Variants in CNOT2 observed in about 807,000 individuals in gnomAD.
CNOT2 encodes CCR4-NOT transcription complex subunit 2, also known as CC chemokine receptor 4-negative regulator of transcription 2.
In CNOT2, 7 loss-of-function variants were observed where a neutral mutation model predicts 72.1. The observed-to-expected ratio is 0.10, with a 90% CI of 0.06 to 0.18. The LOEUF (loss-of-function observed/expected upper bound fraction) is 0.18. CNOT2 is among the 10% of genes least tolerant of loss of function. The probability of loss-of-function intolerance (pLI) is 1.00; values close to 1 mark genes in which losing one functional copy is unlikely to be tolerated. For synonymous variants in CNOT2, 196 were observed against 225.6 expected (o/e 0.87, Z 1.17); for missense variants, 345 against 660.3 (o/e 0.52, Z 5.23).
intron 2 of CNOT2, among the ~76,000 whole-genome samples, chr12:70,304,641 A>C (rs1364969387): frequency 6.6e-6 from 1 of 152,210 alleles, no homozygotes; most frequent in Non-Finnish European, 1.5e-5. Context: ...TTGTGGAGGC[A>C]GTCTGCCCGT....
intron 1 of CNOT2, among the ~76,000 whole-genome samples, chr12:70,246,426 C>G (rs547491146): frequency 6.6e-6 from 1 of 152,194 alleles, no homozygotes; most frequent in East Asian, 1.9e-4. Flanking sequence ...GGCAGAATAT[C>G]CAGGGTACCA....
chr12:70,304,705 AGACAGG>A (rs1363511481), intron 2 of CNOT2, among the ~76,000 whole-genome samples: 2 of 152,272 alleles, frequency 1.3e-5, no homozygotes, highest in Admixed American at 1.3e-4. Flanking sequence ...CATAGCAGTC[AGACAGG>A]GACATTTAAG....
At chr12:70,338,398 A>T in intron 9 of CNOT2, 45 bp from the exon 10 acceptor site, 1 of 1,524,388 alleles carries the variant, frequency 6.6e-7, no homozygotes, top group Non-Finnish European at 8.9e-7. Context: ...TTGAATTTGT[A>T]TACTTAACAA....
In CNOT2 at chr12:70,338,853, T is replaced by C. The variant is rs774765629; in HGVS notation, c.1178+31T>C. On this transcript the variant is annotated intron_variant, in intron 11 of 15. Transcript: ENST00000229195. ...TTTTTTCTGTTTTTCCATGTCTGTA[T>C]ATAATACCTCTTCAGACTTCCAGTT... 4.5e-6 allele frequency: 7 copies of C among 1,570,910 alleles called. No homozygotes were observed. The South Asian group carries it at 6.8e-5, about 15-fold the overall frequency.
intron 1 of CNOT2, among the ~76,000 whole-genome samples, chr12:70,249,514 ATTTC>A (rs1958036169): frequency 1.3e-5 from 2 of 152,010 alleles, no homozygotes; most frequent in South Asian, 4.1e-4. Context: ...TCAGAGTCTA[ATTTC>A]TTTCTCATTT....
chr12:70,312,778 G>C (rs1876685619), intron 3 of CNOT2, among the ~76,000 whole-genome samples: 1 of 151,878 alleles, frequency 6.6e-6, no homozygotes, highest in Non-Finnish European at 1.5e-5. Flanking sequence ...GTAAAAATAG[G>C]AGTAATAATA....
In CNOT2 at chr12:70,258,315, A is replaced by G. The variant is rs189907556; in HGVS notation, c.-96+14835A>G. On this transcript the variant is annotated intron_variant, in intron 1 of 15. Coordinates refer to ENST00000229195, the MANE Select transcript of CNOT2 (RefSeq NM_014515.7). ...TTAAACTGGATAAACTTACGGTGAAAAAGTTTAAAAGAATTTTTGCCTAAT... is the reference window on the plus strand; with the variant it reads ...TTAAACTGGATAAACTTACGGTGAAGAAGTTTAAAAGAATTTTTGCCTAAT... 1.4e-4 allele frequency among the ~76,000 whole-genome samples: 22 copies of G among 152,304 alleles called. No individual in the cohort carries two copies. In the East Asian group the frequency reaches 4.2e-3, roughly 29 times the overall value.
At chr12:70,249,577 G>C (rs1234877138) in intron 1 of CNOT2, among the ~76,000 whole-genome samples, 1 of 151,946 alleles carries the variant, frequency 6.6e-6, no homozygotes, top group African/African-American at 2.4e-5. Flanking sequence ...AAATCAAATA[G>C]ATGTTAATGG....
chr12:70,245,862 A>G (rs1319215563), intron 1 of CNOT2, among the ~76,000 whole-genome samples: 3 of 152,154 alleles, frequency 2.0e-5, no homozygotes, highest in Non-Finnish European at 4.4e-5. Context: ...CTTTACAGTT[A>G]TTGTAATCTG....
intron 3 of CNOT2, among the ~76,000 whole-genome samples, chr12:70,317,135 A>G (rs1341020982): frequency 1.3e-5 from 2 of 151,938 alleles, no homozygotes; most frequent in Non-Finnish European, 2.9e-5. Context: ...CCTTTTTTTG[A>G]TGGTTGATTT....
At chr12:70,301,887 C>G (rs1874061930) in intron 2 of CNOT2, 1 of 152,196 alleles carries the variant, frequency 6.6e-6, no homozygotes, top group African/African-American at 2.4e-5. Flanking sequence ...ATTATTGCCT[C>G]CATTTCAGAG....
At chr12:70,318,886 T>A (rs970684499) in intron 3 of CNOT2, 4 of 155,562 alleles carry the variant, frequency 2.6e-5, no homozygotes, top group African/African-American at 9.6e-5. Context: ...TGTGAACATA[T>A]CTTCAAATAA....
At chr12:70,266,392 G>A (rs1959048156) in intron 1 of CNOT2, among the ~76,000 whole-genome samples, 1 of 152,102 alleles carries the variant, frequency 6.6e-6, no homozygotes, top group African/African-American at 2.4e-5. Flanking sequence ...CAAAGTGCTG[G>A]GATTACAGGC....
At chr12:70,305,184 C>T (rs1407646829) in intron 2 of CNOT2, among the ~76,000 whole-genome samples, 1 of 152,230 alleles carries the variant, frequency 6.6e-6, no homozygotes, top group Non-Finnish European at 1.5e-5. Flanking sequence ...TGTCCCGCAC[C>T]CACTGTCCGG....
In CNOT2 at chr12:70,342,129, T is replaced by G. The variant is rs1881591910; in HGVS notation, c.1201T>G (p.Ser401Ala). ...SPENLYPKFASPWASSPCRPQ... is the reference protein window; with the variant it reads ...SPENLYPKFAAPWASSPCRPQ... ...CAGAAATCTCTACCCCAAATTTGCG[T>G]CACCCTGGGCATCTTCACCTTGTCG... The change falls in exon 12 of 16, where the codon TCA becomes GCA. Residue 401 changes from serine (S) to alanine (A), a missense_variant. Around this residue, in one of 4 missense-constraint regions of CNOT2, gnomAD observed 128 missense variants for 233.0 expected, o/e 0.55. Transcript: ENST00000229195. 1.2e-6 allele frequency: 2 copies of G among 1,608,064 alleles called. No individual in the cohort carries two copies. Among genetic ancestry groups the G allele is most frequent in the African/African-American group, 2.7e-5 (2 of 74,916 alleles).
intron 1 of CNOT2, among the ~76,000 whole-genome samples, chr12:70,245,643 A>G (rs1332935235): frequency 6.6e-6 from 1 of 152,160 alleles, no homozygotes; most frequent in African/African-American, 2.4e-5. Context: ...AATGAGGGCA[A>G]AATGCTTGTG....
chr12:70,302,684 T>C (rs1355510706), intron 2 of CNOT2, among the ~76,000 whole-genome samples: 1 of 152,262 alleles, frequency 6.6e-6, no homozygotes, highest in Non-Finnish European at 1.5e-5. Flanking sequence ...GAAAAGAATG[T>C]ATATTCTGTT....
At chr12:70,287,746 A>G (rs911215207) in intron 2 of CNOT2, among the ~76,000 whole-genome samples, 2 of 150,010 alleles carry the variant, frequency 1.3e-5, no homozygotes, top group African/African-American at 2.4e-5. Context: ...GATAAATCCA[A>G]CAATTGGAAG....
At chr12:70,247,129 A>G (rs1957914218) in intron 1 of CNOT2, among the ~76,000 whole-genome samples, 1 of 150,660 alleles carries the variant, frequency 6.6e-6, no homozygotes, top group Non-Finnish European at 1.5e-5. Flanking sequence ...ATTTTGGACT[A>G]TTTGCCACTT....
Sources: gnomAD v4.1 joint callset for allele counts (sites outside exome capture counted in the v4.1 genomes callset) on GRCh38, gnomAD v4.1.1 for gene constraint, gnomAD v4.1.1 regional missense constraint, MANE v1.5 for transcripts, NCBI Gene and HGNC (gene_info 2026-07-23, HGNC 2026-07-21) for gene names.